The following RAB27A variants were observed in gnomAD, a reference collection of about 807,000 sequenced individuals.
RAB27A encodes the protein ras-related protein Rab-27A.
A neutral mutation model predicts 20.8 loss-of-function variants in RAB27A; 17 were observed. The observed-to-expected ratio is 0.82, with a 90% CI of 0.56 to 1.23. The LOEUF is 1.23. Ranked by LOEUF, RAB27A falls within the 50% of genes most tolerant of loss-of-function variation. The pLI is 0.00. For missense variants in RAB27A, 277 were observed against 266.7 expected (o/e 1.04, Z -0.27); for synonymous variants, 85 against 92.8 (o/e 0.92, Z 0.48).
At chr15:55,218,211 C>T (rs1427047290) in intron 6 of RAB27A, among the ~76,000 whole-genome samples, 2 of 152,160 alleles carry the variant, frequency 1.3e-5, no homozygotes, top group Non-Finnish European at 2.9e-5. Flanking sequence ...TTTCACACTA[C>T]TTTTCACAGT....
chr15:55,209,595 A>C (rs1894818218), intron 6 of RAB27A, among the ~76,000 whole-genome samples: 1 of 151,978 alleles, frequency 6.6e-6, no homozygotes, highest in Admixed American at 6.6e-5. Context: ...TGCAATAAAC[A>C]TGGGAGTACA....
chr15:55,263,440 A>C (rs1897347063), intron 2 of RAB27A, among the ~76,000 whole-genome samples: 1 of 152,234 alleles, frequency 6.6e-6, no homozygotes. Context: ...AATGCTTTAA[A>C]CAGAAATGGT....
chr15:55,275,021 T>A (rs1365690362), intron 1 of RAB27A, among the ~76,000 whole-genome samples: 1 of 150,604 alleles, frequency 6.6e-6, no homozygotes, highest in African/African-American at 2.4e-5. Flanking sequence ...AAGGCCAAAG[T>A]AGGTGGATCA....
At chr15:55,225,129 A>C (rs1298857865) in intron 5 of RAB27A, among the ~76,000 whole-genome samples, 1 of 152,172 alleles carries the variant, frequency 6.6e-6, no homozygotes, top group Non-Finnish European at 1.5e-5. Context: ...ACTTAACCAC[A>C]ACCTTCCTTC....
At chr15:55,244,022 C>G (rs923868051) in intron 2 of RAB27A, among the ~76,000 whole-genome samples, 1 of 152,026 alleles carries the variant, frequency 6.6e-6, no homozygotes, top group Non-Finnish European at 1.5e-5. Context: ...GAAGCTTGGG[C>G]GGGCACAGTG....
chr15:55,316,873 G>T (rs1374877990), intron 1 of RAB27A, among the ~76,000 whole-genome samples: 1 of 152,112 alleles, frequency 6.6e-6, no homozygotes, highest in Non-Finnish European at 1.5e-5. Flanking sequence ...GATGAAAAAC[G>T]GCTGGGATTG....
intron 2 of RAB27A, among the ~76,000 whole-genome samples, chr15:55,248,222 T>C (rs1896761548): frequency 1.3e-5 from 2 of 152,242 alleles, no homozygotes; most frequent in Non-Finnish European, 1.5e-5. Flanking sequence ...TTCATTTCCA[T>C]AGTCAAACAT....
At chr15:55,222,536 C>A (rs1264145722) in intron 6 of RAB27A, among the ~76,000 whole-genome samples, 1 of 152,130 alleles carries the variant, frequency 6.6e-6, no homozygotes, top group Non-Finnish European at 1.5e-5. Context: ...ACTCCCTGTC[C>A]TCCAGGGATC....
At chr15:55,313,907 A>C (rs1457050899) in intron 2 of RAB27A, 1 of 152,616 alleles carries the variant, frequency 6.6e-6, no homozygotes, top group African/African-American at 2.4e-5. Context: ...CGGAAGGTGG[A>C]GGTTGCAGTG....
upstream of RAB27A, among the ~76,000 whole-genome samples, chr15:55,294,330 G>A (rs114934655): frequency 6.7e-3 from 1,020 of 152,244 alleles, 11 homozygotes; most frequent in African/African-American, 0.024. Context: ...GCTCACGCCT[G>A]TAATTTCAAT....
intron 1 of RAB27A, among the ~76,000 whole-genome samples, chr15:55,315,813 A>C (rs1340926069): frequency 6.6e-6 from 1 of 152,216 alleles, no homozygotes; most frequent in Non-Finnish European, 1.5e-5. Context: ...GTGGGAGTGT[A>C]AATTAGTTCA....
Position 55,205,712 on chromosome 15 carries a change from G to C in RAB27A, c.468-7C>G. 1 of 1,609,556 alleles carries C rather than the reference G, an allele frequency of 6.2e-7. No homozygotes were observed. The highest frequency in any genetic ancestry group is 8.5e-7 in the Non-Finnish European group (1 of 1,175,860). Reference sequence around the variant, plus strand: ...AGTTTCAAAGTAGGGGATTCTGGAAGACAGAGACAACTGAGGTAACAACAT... The same window carrying C: ...AGTTTCAAAGTAGGGGATTCTGGAACACAGAGACAACTGAGGTAACAACAT... On this transcript the variant is annotated splice_polypyrimidine_tract_variant and splice_region_variant and intron_variant, in intron 6 of 6. Transcript: ENST00000336787.
intron 6 of RAB27A, among the ~76,000 whole-genome samples, chr15:55,221,630 G>A (rs758676009): frequency 2.6e-5 from 4 of 152,118 alleles, no homozygotes; most frequent in Non-Finnish European, 5.9e-5. Flanking sequence ...GCTTGGCTAG[G>A]CTAAACAACA....
intron 1 of RAB27A, among the ~76,000 whole-genome samples, chr15:55,316,554 C>T (rs1595758993): frequency 6.6e-6 from 1 of 150,778 alleles, no homozygotes; most frequent in African/African-American, 2.4e-5. Flanking sequence ...ATGTTACAAA[C>T]CTGCACGTTC....
At chr15:55,209,196 A>T (rs1894798998) in intron 6 of RAB27A, among the ~76,000 whole-genome samples, 1 of 152,134 alleles carries the variant, frequency 6.6e-6, no homozygotes, top group Non-Finnish European at 1.5e-5. Flanking sequence ...ATTGTTGTAA[A>T]CTATAGTCAC....
chr15:55,315,195 A>C (rs1285294611), intron 1 of RAB27A, among the ~76,000 whole-genome samples: 1 of 152,222 alleles, frequency 6.6e-6, no homozygotes, highest in Non-Finnish European at 1.5e-5. Flanking sequence ...TGCTGGGAAA[A>C]CTGGCTAGCC....
intron 1 of RAB27A, among the ~76,000 whole-genome samples, chr15:55,274,794 T>TTATATATATATACATATATA (rs1555399450): frequency 1.2e-3 from 64 of 52,154 alleles, no homozygotes; most frequent in African/African-American, 3.7e-3. Flanking sequence ...AATAAATAAA[T>TTATATATATATACATATATA]TATATATATA....
chr15:55,208,527 C>A (rs1213824897), intron 6 of RAB27A, among the ~76,000 whole-genome samples: 1 of 152,194 alleles, frequency 6.6e-6, no homozygotes, highest in Non-Finnish European at 1.5e-5. Context: ...GCTTTCTCCA[C>A]AATCTGACTC....
At chr15:55,287,171 C>T (rs1339074676) in intron 1 of RAB27A, among the ~76,000 whole-genome samples, 1 of 151,974 alleles carries the variant, frequency 6.6e-6, no homozygotes, top group African/African-American at 2.4e-5. Flanking sequence ...CCACCTGTCT[C>T]GGCCTCCCAA....
Sources: allele counts gnomAD v4.1 joint callset (sites outside exome capture counted in the v4.1 genomes callset), GRCh38; gene constraint gnomAD v4.1.1; transcripts MANE v1.5; gene names NCBI Gene and HGNC (gene_info 2026-07-23, HGNC 2026-07-21).